The following TENT2 variants were observed in gnomAD, a reference collection of about 807,000 sequenced individuals.
The protein encoded by TENT2 is poly(A) RNA polymerase GLD2.
A neutral mutation model predicts 72.2 loss-of-function variants in TENT2; 44 were observed. That is an observed-to-expected ratio of 0.61 (90% CI 0.48 to 0.78). The LOEUF (loss-of-function observed/expected upper bound fraction) is 0.78, where lower values mean the gene tolerates loss of function less well. TENT2 is among the 30% of genes least tolerant of loss of function. The pLI, the probability that TENT2 is intolerant of heterozygous loss-of-function variation, is 0.00. For synonymous variants in TENT2, 212 were observed against 192.5 expected (o/e 1.10, Z -0.84); for missense variants, 541 against 569.6 (o/e 0.95, Z 0.51).
intron 6 of TENT2, among the ~76,000 whole-genome samples, chr5:79,642,192 A>G (rs1328283480): frequency 1.3e-5 from 2 of 152,086 alleles, no homozygotes; most frequent in Non-Finnish European, 2.9e-5. Flanking sequence ...TACTATTCAT[A>G]TTATTCCACT....
chr5:79,637,962 T>C (rs980464192), intron 4 of TENT2, among the ~76,000 whole-genome samples: 1 of 152,028 alleles, frequency 6.6e-6, no homozygotes, highest in Non-Finnish European at 1.5e-5. Flanking sequence ...TGTTCCCGGC[T>C]AATTTTTTTG....
intron 11 of TENT2, among the ~76,000 whole-genome samples, chr5:79,662,098 A>G (rs1430338153): frequency 2.0e-5 from 3 of 152,244 alleles, no homozygotes; most frequent in Non-Finnish European, 4.4e-5. Flanking sequence ...CACCAGGAGT[A>G]GATTCTGTCT....
intron 8 of TENT2, among the ~76,000 whole-genome samples, chr5:79,645,593 C>G (rs1240246195): frequency 6.6e-6 from 1 of 151,926 alleles, no homozygotes; most frequent in Non-Finnish European, 1.5e-5. Context: ...ATGAAAGATA[C>G]ATATAATACC....
chr5:79,634,713 T>C (rs1279557704), intron 4 of TENT2, among the ~76,000 whole-genome samples: 3 of 152,204 alleles, frequency 2.0e-5, no homozygotes, highest in Non-Finnish European at 4.4e-5. Context: ...CTAATTAATT[T>C]TATAGTGATA....
intron 3 of TENT2, among the ~76,000 whole-genome samples, chr5:79,622,402 C>T (rs1225493210): frequency 6.6e-6 from 1 of 152,112 alleles, no homozygotes; most frequent in African/African-American, 2.4e-5. Flanking sequence ...CTTAATATAT[C>T]AATGAAGTAA....
chr5:79,682,525 T>G (rs1822864974), intron 14 of TENT2, among the ~76,000 whole-genome samples: 1 of 151,588 alleles, frequency 6.6e-6, no homozygotes, highest in Non-Finnish European at 1.5e-5. Context: ...CTTCAGGTGA[T>G]TCACCCCCGT....
chr5:79,674,344 C>T (rs576050639), intron 12 of TENT2, among the ~76,000 whole-genome samples: 10 of 152,204 alleles, frequency 6.6e-5, no homozygotes, highest in South Asian at 4.1e-4. Flanking sequence ...ATCGCGCCAC[C>T]GCACTCCAGC....
chr5:79,640,643 A>G (rs1280941803), intron 4 of TENT2, among the ~76,000 whole-genome samples: 1 of 152,086 alleles, frequency 6.6e-6, no homozygotes, highest in Non-Finnish European at 1.5e-5. Flanking sequence ...TGACTTGTAT[A>G]TTTTACTTTG....
intron 12 of TENT2, among the ~76,000 whole-genome samples, chr5:79,671,782 G>A (rs968016165): frequency 6.6e-6 from 1 of 152,030 alleles, no homozygotes; most frequent in African/African-American, 2.4e-5. Context: ...TATAAATGTT[G>A]CAGAAGTTTT....
chr5:79,621,332 A>G (rs1764628614), intron 3 of TENT2, among the ~76,000 whole-genome samples: 1 of 152,242 alleles, frequency 6.6e-6, no homozygotes, highest in Non-Finnish European at 1.5e-5. Flanking sequence ...TCATATGCTT[A>G]AAAGCACTAC....
At chr5:79,658,154 CAA>C (rs1232187472) in intron 11 of TENT2, among the ~76,000 whole-genome samples, 1 of 152,142 alleles carries the variant, frequency 6.6e-6, no homozygotes, top group Non-Finnish European at 1.5e-5. Context: ...GACTGTATAA[CAA>C]GAGCCTTTTA....
intron 1 of TENT2, among the ~76,000 whole-genome samples, chr5:79,614,279 T>G (rs1465304666): frequency 6.6e-6 from 1 of 151,874 alleles, no homozygotes; most frequent in Non-Finnish European, 1.5e-5. Flanking sequence ...ATTTTTGTAT[T>G]TTTAGTAGAG....
chr5:79,664,594 CA>C (rs369492064), intron 11 of TENT2, among the ~76,000 whole-genome samples: 25,819 of 95,476 alleles, frequency 0.27, 2,956 homozygotes, highest in African/African-American at 0.47. Context: ...CACTCTGTCT[CA>C]AAAAAAAAAA....
At chr5:79,629,744 G>A (rs921000169) in intron 4 of TENT2, among the ~76,000 whole-genome samples, 7 of 148,142 alleles carry the variant, frequency 4.7e-5, no homozygotes, top group African/African-American at 7.5e-5. Flanking sequence ...GGAGAATGGC[G>A]TGAACCCAGG....
chr5:79,648,835 AATC>A, intron 9 of TENT2, 142 bp downstream of exon 9: 3 of 794,540 alleles, frequency 3.8e-6, no homozygotes, highest in Non-Finnish European at 5.9e-6. Context: ...GCTACACTAA[AATC>A]ATATACTGTC....
chr5:79,628,166 T>A (rs139486147), intron 4 of TENT2, among the ~76,000 whole-genome samples: 1 of 152,344 alleles, frequency 6.6e-6, no homozygotes, highest in Non-Finnish European at 1.5e-5. Context: ...AGCTAATGTT[T>A]ATTGAGTATC....
At chr5:79,625,754 C>T (rs1769067072) in intron 4 of TENT2, among the ~76,000 whole-genome samples, 1 of 151,366 alleles carries the variant, frequency 6.6e-6, no homozygotes, top group Non-Finnish European at 1.5e-5. Flanking sequence ...ATAGGAAAAA[C>T]AATCAGGCAA....
rs758711482 is a variant in TENT2, at chr5:79,623,492, A to G, written c.465+3A>G. On this transcript the variant is annotated splice_donor_region_variant and intron_variant, in intron 4 of 14. Coordinates refer to ENST00000453514, the MANE Select transcript of TENT2 (RefSeq NM_001114394.3). ...CACTGCCTGAGGCCAAAGATAAGGT[A>G]ATAATAATGTAGATTTTAGTTTTGC... is the stretch of plus-strand genomic sequence containing the variant. 6.4e-7 allele frequency: 1 copy of G among 1,565,168 alleles called. No individual in the cohort carries two copies. The highest frequency in any genetic ancestry group is 8.7e-7 in the Non-Finnish European group (1 of 1,149,748).
At chr5:79,648,989 G>T (rs1485827957) in intron 9 of TENT2, 73 bp from the exon 10 acceptor site, 4 of 1,483,770 alleles carry the variant, frequency 2.7e-6, no homozygotes, top group Non-Finnish European at 3.7e-6. Flanking sequence ...TTGGTATGGA[G>T]CTGGGAAATG....
Sources: gnomAD v4.1 joint callset for allele counts (sites outside exome capture counted in the v4.1 genomes callset) on GRCh38, gnomAD v4.1.1 for gene constraint, MANE v1.5 for transcripts, NCBI Gene and HGNC (gene_info 2026-07-23, HGNC 2026-07-21) for gene names.